Variants in CDH23 observed in about 807,000 individuals in gnomAD.
The protein encoded by CDH23 is cadherin related 23.
A neutral mutation model predicts 317.1 loss-of-function variants in CDH23; 189 were observed. The observed-to-expected ratio is 0.60, with a 90% CI of 0.53 to 0.67. The LOEUF (loss-of-function observed/expected upper bound fraction) is 0.67, where lower values mean the gene tolerates loss of function less well. Among genes scored for constraint, CDH23 ranks in the 30% least tolerant of loss-of-function variants. The pLI is 0.00. For synonymous variants in CDH23, 1,839 were observed against 1,876.8 expected, an observed-to-expected ratio of 0.98 and a Z score of 0.52; for missense variants, 4,401 against 4,592.4, an observed-to-expected ratio of 0.96 and a Z score of 1.20.
At chr10:71,466,812 T>G (rs1181028649) in intron 3 of CDH23, among the ~76,000 whole-genome samples, 2 of 152,118 alleles carry the variant, frequency 1.3e-5, no homozygotes, top group Non-Finnish European at 2.9e-5. Context: ...ATACTTTGCT[T>G]CTTCTATATA....
chr10:71,676,129 A>C (rs979384191), intron 15 of CDH23, among the ~76,000 whole-genome samples: 1 of 150,184 alleles, frequency 6.7e-6, no homozygotes, highest in African/African-American at 2.4e-5. Flanking sequence ...GCTGGTCTCA[A>C]ACTCCTGACC....
chr10:71,404,642 C>T (rs528092762), intron 1 of CDH23, among the ~76,000 whole-genome samples: 132 of 152,350 alleles, frequency 8.7e-4, no homozygotes, highest in East Asian at 3.1e-3. Context: ...CTGCTCTTCC[C>T]GCTCCAGCAC....
intron 14 of CDH23, among the ~76,000 whole-genome samples, chr10:71,654,057 A>G (rs1225096021): frequency 6.6e-6 from 1 of 152,194 alleles, no homozygotes; most frequent in African/African-American, 2.4e-5. Flanking sequence ...AAGCCAACAC[A>G]CTGAGTCTAG....
intron 38 of CDH23, among the ~76,000 whole-genome samples, chr10:71,771,084 A>G (rs113538824): frequency 9.9e-5 from 15 of 152,280 alleles, no homozygotes; most frequent in African/African-American, 3.4e-4. Context: ...GCCCCAGTGC[A>G]CTTAAATGTG....
chr10:71,458,519 C>G (rs1850811201), intron 3 of CDH23, among the ~76,000 whole-genome samples: 1 of 152,224 alleles, frequency 6.6e-6, no homozygotes, highest in South Asian at 2.1e-4. Context: ...AATGAAAGAG[C>G]TTTAGAAGTG....
At chr10:71,703,785 G>A (rs1417685071) in intron 24 of CDH23, among the ~76,000 whole-genome samples, 1 of 152,240 alleles carries the variant, frequency 6.6e-6, no homozygotes, top group Non-Finnish European at 1.5e-5. Context: ...GGGAACGGCA[G>A]TCGGTCCCCG....
At chr10:71,611,620 A>G (rs905399830) in intron 9 of CDH23, among the ~76,000 whole-genome samples, 1 of 152,192 alleles carries the variant, frequency 6.6e-6, no homozygotes, top group Non-Finnish European at 1.5e-5. Flanking sequence ...TTACAGACCA[A>G]GCAACTGAGG....
At chr10:71,652,333 T>C (rs1428905450) in intron 14 of CDH23, among the ~76,000 whole-genome samples, 3 of 152,248 alleles carry the variant, frequency 2.0e-5, no homozygotes, top group Non-Finnish European at 4.4e-5. Context: ...TGTCTTACTA[T>C]GAGCTGGTCA....
intron 3 of CDH23, among the ~76,000 whole-genome samples, chr10:71,448,855 G>T (rs1850297612): frequency 6.6e-6 from 1 of 152,176 alleles, no homozygotes; most frequent in Non-Finnish European, 1.5e-5. Flanking sequence ...GGACGTGTGG[G>T]CTCCATGGGT....
At chr10:71,566,621 G>A (rs1182373296) in intron 6 of CDH23, 121 bp from the exon 7 acceptor site, 5 of 835,266 alleles carry the variant, frequency 6.0e-6, no homozygotes, top group Non-Finnish European at 8.4e-6. Context: ...GAATGAAAAT[G>A]ACAAGGCCTC....
intron 14 of CDH23, among the ~76,000 whole-genome samples, chr10:71,670,306 G>A (rs1485336151): frequency 6.6e-6 from 1 of 152,250 alleles, no homozygotes; most frequent in Non-Finnish European, 1.5e-5. Flanking sequence ...TCCGTGGCTG[G>A]CAGTGGAAAT....
intron 6 of CDH23, among the ~76,000 whole-genome samples, chr10:71,545,558 C>T (rs1856227448): frequency 6.6e-6 from 1 of 152,204 alleles, no homozygotes; most frequent in Non-Finnish European, 1.5e-5. Context: ...TATTTGCTAT[C>T]ATTCATTTAT....
intron 9 of CDH23, among the ~76,000 whole-genome samples, chr10:71,612,244 G>GTGTA (rs1860945007): frequency 6.6e-6 from 1 of 151,736 alleles, no homozygotes; most frequent in Non-Finnish European, 1.5e-5. Flanking sequence ...GTGTGTGTGT[G>GTGTA]TGTGTGTATG....
intron 14 of CDH23, among the ~76,000 whole-genome samples, chr10:71,672,319 C>A (rs1864182985): frequency 6.6e-6 from 1 of 152,102 alleles, no homozygotes; most frequent in African/African-American, 2.4e-5. Context: ...TTCCTTCAAG[C>A]ACAGATCTAC....
chr10:71,676,064 C>T (rs548029877), intron 15 of CDH23, among the ~76,000 whole-genome samples: 8 of 151,920 alleles, frequency 5.3e-5, no homozygotes, highest in Admixed American at 3.9e-4. Flanking sequence ...CCCACCAGCA[C>T]ACCTGGCTAA....
In CDH23 at chr10:71,724,096, A is replaced by G. The variant is rs1754535579; in HGVS notation, c.3421A>G (p.Ile1141Val). 1 of 1,558,398 alleles carries G rather than the reference A, an allele frequency of 6.4e-7. No homozygotes were observed. Among genetic ancestry groups the G allele is most frequent in the Non-Finnish European group, 8.7e-7 (1 of 1,150,722 alleles). ...EGEFGRVWYR[I>V]LHGNHGNNFR... ...CGAGTTTGGGCGTGTGTGGTACCGC[A>G]TCCTCCATGGTAAGTGGGGCTGCCC... is the stretch of plus-strand genomic sequence containing the variant. Residue 1141 changes from isoleucine (I) to valine (V), a missense_variant, in exon 29 of 70, where the codon ATC becomes GTC. Physicochemically the swap from Ile to Val is conservative, Grantham distance 29. Around this residue, in one of 3 missense-constraint regions of CDH23, gnomAD observed 3,068 missense variants for 3,203.3 expected, o/e 0.96. Transcript: ENST00000224721.
chr10:71,494,991 G>C (rs1029771574), intron 3 of CDH23, among the ~76,000 whole-genome samples: 3 of 152,136 alleles, frequency 2.0e-5, no homozygotes, highest in Non-Finnish European at 4.4e-5. Flanking sequence ...GCCTGAAGGC[G>C]CTTGCTCACC....
rs2133006702 is a variant in CDH23, at chr10:71,812,487, CCT to C, written c.9389_9390del (p.Pro3130ArgfsTer19). ...TNKYSFDGANPVWLDPFCRNL... is the reference protein window; with the variant it reads ...TNKYSFDGANXVWLDPFCRNL... ...TTCCCTCCCCAACTGCAGAGCCAAC[CCT>C]GTGTGGCTGGATCCCTTCTGTCGGA... On this transcript the variant is annotated frameshift_variant, in exon 67 of 70. Transcript: ENST00000224721. LOFTEE classifies it high-confidence loss of function. 6.2e-7 allele frequency: 1 copy of C among 1,612,698 alleles called. No homozygotes were observed. The highest frequency in any genetic ancestry group is 1.7e-4 in the Middle Eastern group (1 of 6,058).
intron 6 of CDH23, among the ~76,000 whole-genome samples, chr10:71,525,005 T>G (rs4747158): frequency 0.66 from 101,020 of 152,136 alleles, 33,611 homozygotes; most frequent in East Asian, 0.77. Flanking sequence ...CCTCTTGGGT[T>G]CAAGTGATTC....
Sources: allele counts gnomAD v4.1 joint callset (sites outside exome capture counted in the v4.1 genomes callset), GRCh38; gene constraint gnomAD v4.1.1; regional missense constraint gnomAD v4.1.1; transcripts MANE v1.5; gene names NCBI Gene and HGNC (gene_info 2026-07-23, HGNC 2026-07-21).